Variants in CALM2 observed in about 807,000 individuals in gnomAD.
The protein encoded by CALM2 is calmodulin-2.
Under a neutral mutation model 19.8 loss-of-function variants are expected in CALM2, and 2 were observed. The observed-to-expected ratio is 0.10, with a 90% CI of 0.04 to 0.32. The LOEUF is 0.32. Among genes scored for constraint, CALM2 ranks in the 10% least tolerant of loss-of-function variants. The pLI, the probability that CALM2 is intolerant of heterozygous loss-of-function variation, is 1.00. For synonymous variants in CALM2, 51 were observed against 52.1 expected (o/e 0.98, Z 0.09); for missense variants, 38 against 178.7 (o/e 0.21, Z 4.49).
Position 47,170,692 on chromosome 2 carries a change from A to T in CALM2, c.34+42T>A, listed in dbSNP as rs757802021. 5 of 1,520,100 alleles carry T rather than the reference A, an allele frequency of 3.3e-6. No homozygotes were observed. In the South Asian group the frequency reaches 4.5e-5, roughly 14 times the overall value. The allele number at this position is 1,520,100 out of a possible 1,614,324, so 94.2% of individuals were successfully genotyped here. Reference sequence around the variant, plus strand: ...TTCTGACGTTGGCTATTCAATTTATAATAAGAATCTAATGGGTACAATCTA... The same window carrying T: ...TTCTGACGTTGGCTATTCAATTTATTATAAGAATCTAATGGGTACAATCTA... On this transcript the variant is annotated intron_variant, in intron 2 of 5. Transcript: ENST00000272298.
At chr2:47,172,429 T>C (rs781295009) in intron 1 of CALM2, 5 of 840,596 alleles carry the variant, frequency 5.9e-6, no homozygotes, top group Non-Finnish European at 7.1e-6. Context: ...AGGGTTGTTG[T>C]GCAAAGTGAG....
rs189111508 is a variant in CALM2, at chr2:47,176,305, G to A, written c.3+136C>T. 1.4e-3 allele frequency: 1,497 copies of A among 1,054,350 alleles called. 4 individuals are homozygous for A. Among genetic ancestry groups the A allele is most frequent in the Non-Finnish European group, 1.8e-3 (1,326 of 729,596 alleles). 65.3% of individuals were successfully genotyped at this position (1,054,350 alleles called of 1,614,324 possible). On this transcript the variant is annotated intron_variant, in intron 1 of 5. Transcript: ENST00000272298. ...CGACACAACCGTCGCCGGCATCCCT[G>A]GCCTCTTTCGCGCCATCCCTCTGGC...
chr2:47,160,418 C>G lies in CALM2; in HGVS notation c.*358G>C, dbSNP rs1687118723. The G allele has an allele frequency of 1.1e-5, 2 of 184,180 alleles. No homozygotes were observed. Among genetic ancestry groups the G allele is most frequent in the Non-Finnish European group, 2.2e-5 (2 of 89,422 alleles). 11.4% of individuals were successfully genotyped at this position (184,180 alleles called of 1,614,324 possible). The stretch of plus-strand genomic sequence containing the variant: ...ACTGTCCATAGTCCACGCAGAGTTA[C>G]AACTCCACACTTCAACAACAACATG... On this transcript the variant is annotated 3_prime_UTR_variant, in exon 6 of 6. Coordinates refer to ENST00000272298, the MANE Select transcript of CALM2 (RefSeq NM_001743.6).
At chr2:47,165,456 C>G (rs1196580955) in intron 2 of CALM2, among the ~76,000 whole-genome samples, 1 of 152,160 alleles carries the variant, frequency 6.6e-6, no homozygotes, top group East Asian at 1.9e-4. Context: ...AGAACTATGT[C>G]CAACAAATAC....
intron 1 of CALM2, 114 bp downstream of exon 1, chr2:47,176,327 T>C (rs999066514): frequency 7.6e-7 from 1 of 1,324,072 alleles, no homozygotes; most frequent in Admixed American, 2.0e-5. Context: ...GCCATCCCTC[T>C]GGCAGAAACC....
intron 2 of CALM2, 149 bp downstream of exon 2, chr2:47,170,585 G>T (rs1666633535): frequency 1.5e-6 from 1 of 673,308 alleles, no homozygotes; most frequent in African/African-American, 1.8e-5. Flanking sequence ...GCCAAAGCAG[G>T]TTGAATTACT....
chr2:47,164,433 A>G (rs1445117370), intron 2 of CALM2, among the ~76,000 whole-genome samples: 1 of 145,338 alleles, frequency 6.9e-6, no homozygotes. Context: ...CTCTATTAAA[A>G]CACAAACACA....
rs1687183020 is a variant in CALM2 at position 47,162,205 on chromosome 2, CAA to C, written c.285+79_285+80del. 2.2e-5 allele frequency: 6 copies of C among 274,146 alleles called. No individual in the cohort carries two copies. In the South Asian group the frequency reaches 7.3e-4, roughly 33 times the overall value. The allele number at this position is 274,146 out of a possible 1,614,324, so 17.0% of individuals were successfully genotyped here. A position where few individuals can be genotyped will look rare whatever the true frequency, so the allele number is the denominator to read the frequency against. ...AAAAAAAAAAAAAAAAAAAAACAAC[CAA>C]AAAAACACAAGTCTTCATAATGAGT... On this transcript the variant is annotated intron_variant, in intron 4 of 5. Coordinates refer to ENST00000272298, the MANE Select transcript of CALM2 (RefSeq NM_001743.6).
chr2:47,174,300 G>A (rs1235383294), intron 1 of CALM2: 2 of 151,752 alleles, frequency 1.3e-5, no homozygotes, highest in African/African-American at 4.9e-5. Flanking sequence ...TGTTGCCCAG[G>A]GAGTGCAGTG....
At chr2:47,164,882 A>G (rs1230136005) in intron 2 of CALM2, among the ~76,000 whole-genome samples, 1 of 152,140 alleles carries the variant, frequency 6.6e-6, no homozygotes, top group Non-Finnish European at 1.5e-5. Context: ...CCTAACTCCA[A>G]TTCGCGTACA....
chr2:47,164,465 C>T (rs60937853), intron 2 of CALM2, among the ~76,000 whole-genome samples: 9 of 151,580 alleles, frequency 5.9e-5, no homozygotes, highest in African/African-American at 1.7e-4. Context: ...GGTGTGGCGG[C>T]GTGCGCCTGT....
At chr2:47,166,914 C>T (rs748175752) in intron 2 of CALM2, among the ~76,000 whole-genome samples, 21 of 151,170 alleles carry the variant, frequency 1.4e-4, no homozygotes, top group Non-Finnish European at 2.5e-4. Context: ...CAAACTGAAA[C>T]TTTCAGAAAA....
At chr2:47,161,422 A>T (rs1296174185) in intron 5 of CALM2, among the ~76,000 whole-genome samples, 1 of 152,216 alleles carries the variant, frequency 6.6e-6, no homozygotes, top group Non-Finnish European at 1.5e-5. Flanking sequence ...ACAATCACAC[A>T]AACACTGAAC....
intron 1 of CALM2, among the ~76,000 whole-genome samples, chr2:47,175,661 G>A (rs983341304): frequency 5.9e-5 from 9 of 151,776 alleles, no homozygotes; most frequent in African/African-American, 1.9e-4. Context: ...GCCAGAGGGG[G>A]ATGGGAAACC....
chr2:47,163,774 C>A (rs1666347438), intron 2 of CALM2: 1 of 152,270 alleles, frequency 6.6e-6, no homozygotes, highest in Admixed American at 6.5e-5. Flanking sequence ...ATGGAAACCT[C>A]CTGCTGGTGC....
chr2:47,162,755 G>A (rs534911856), intron 2 of CALM2, 93 bp from the exon 3 acceptor site: 8 of 1,083,952 alleles, frequency 7.4e-6, no homozygotes, highest in African/African-American at 4.8e-5. Context: ...CTACTCAGTG[G>A]TGGGATCGTG....
At chr2:47,176,556 G>GCCAGATCCCTCCGCCGCAT, upstream of CALM2, 8 of 1,557,150 alleles carry the variant, frequency 5.1e-6, no homozygotes, top group Non-Finnish European at 6.9e-6. Flanking sequence ...ACCTCCCTCC[G>GCCAGATCCCTCCGCCGCAT]CCAGATCCCT....
intron 1 of CALM2, chr2:47,173,583 T>C (rs1406056875): frequency 6.6e-6 from 1 of 152,218 alleles, no homozygotes. Context: ...TATGTACCTA[T>C]CAAACATTTC....
Position 47,176,448 on chromosome 2 carries a change from C to T in CALM2, c.-5G>A, listed in dbSNP as rs1053340646. 14 of 1,613,634 alleles carry T rather than the reference C, an allele frequency of 8.7e-6. No individual in the cohort carries two copies. The highest frequency in any genetic ancestry group is 1.0e-5 in the Non-Finnish European group (12 of 1,180,018). ...GCTCAGCGATGCACTCACCATGCTGCAAGCGCTACCGGTTTCCGAGACGCG... is the reference window on the plus strand; with the variant it reads ...GCTCAGCGATGCACTCACCATGCTGTAAGCGCTACCGGTTTCCGAGACGCG... On this transcript the variant is annotated 5_prime_UTR_variant, in exon 1 of 6. Coordinates refer to ENST00000272298, the MANE Select transcript of CALM2 (RefSeq NM_001743.6).
Sources: allele counts gnomAD v4.1 joint callset (sites outside exome capture counted in the v4.1 genomes callset), GRCh38; gene constraint gnomAD v4.1.1; transcripts MANE v1.5; gene names NCBI Gene and HGNC (gene_info 2026-07-23, HGNC 2026-07-21).